The following GSK3B variants were observed in gnomAD, a reference collection of about 807,000 sequenced individuals.
GSK3B encodes glycogen synthase kinase-3 beta.
A neutral mutation model predicts 56.4 loss-of-function variants in GSK3B; 15 were observed. The observed-to-expected ratio is 0.27, with a 90% CI of 0.18 to 0.41. The LOEUF (loss-of-function observed/expected upper bound fraction) is 0.41, where lower values mean the gene tolerates loss of function less well. Ranked by LOEUF, GSK3B falls within the 10% of genes least tolerant of loss-of-function variation. The probability of loss-of-function intolerance (pLI) is 1.00; values close to 1 mark genes in which losing one functional copy is unlikely to be tolerated. For synonymous variants in GSK3B, 181 were observed against 188.9 expected, an observed-to-expected ratio of 0.96 and a Z score of 0.34; for missense variants, 300 against 513.4, an observed-to-expected ratio of 0.58 and a Z score of 4.02.
Position 120,093,574 on chromosome 3 carries a change from C to T in GSK3B, c.-140G>A. On this transcript the variant is annotated 5_prime_UTR_variant, in exon 1 of 11. Coordinates refer to ENST00000264235, the MANE Select transcript of GSK3B (RefSeq NM_001146156.2). ...AAAGAAAAAGACTTCGTCCTCTTGGCTTTTCACTCCTTTTGTATACTATAA... is the reference window on the plus strand; with the variant it reads ...AAAGAAAAAGACTTCGTCCTCTTGGTTTTTCACTCCTTTTGTATACTATAA... 3 of 600,450 alleles carry T rather than the reference C, an allele frequency of 5.0e-6. No homozygotes were observed. The South Asian group carries it at 6.1e-5, about 12-fold the overall frequency. The allele number at this position is 600,450 out of a possible 1,614,324, so 37.2% of individuals were successfully genotyped here.
intron 2 of GSK3B, among the ~76,000 whole-genome samples, chr3:119,960,807 T>C (rs2057264360): frequency 6.6e-6 from 1 of 152,194 alleles, no homozygotes; most frequent in African/African-American, 2.4e-5. Flanking sequence ...GCATATTTAT[T>C]CATTATTGTC....
intron 1 of GSK3B, among the ~76,000 whole-genome samples, chr3:120,051,119 A>G (rs1489303670): frequency 1.6e-5 from 2 of 127,424 alleles, no homozygotes; most frequent in Admixed American, 7.4e-5. Context: ...GATGCTGTCT[A>G]TCAATTTCTT....
At chr3:120,028,879 C>CA in intron 1 of GSK3B, 1 of 485,184 alleles carries the variant, frequency 2.1e-6, no homozygotes, top group Non-Finnish European at 3.9e-6. Context: ...GGCTTCTTCG[C>CA]AAAAATGTGG....
intron 3 of GSK3B, among the ~76,000 whole-genome samples, chr3:119,935,809 AACT>A (rs1403146983): frequency 5.3e-5 from 8 of 152,304 alleles, no homozygotes; most frequent in African/African-American, 1.9e-4. Flanking sequence ...AACAAAATAA[AACT>A]ACTGATCGAT....
intron 1 of GSK3B, among the ~76,000 whole-genome samples, chr3:120,040,772 T>G (rs1345624878): frequency 6.6e-6 from 1 of 151,706 alleles, no homozygotes; most frequent in South Asian, 2.1e-4. Flanking sequence ...CTAAAGACCA[T>G]CACATGGGAT....
At chr3:119,908,949 T>G (rs1011003250) in intron 6 of GSK3B, among the ~76,000 whole-genome samples, 2 of 152,238 alleles carry the variant, frequency 1.3e-5, no homozygotes, top group African/African-American at 4.8e-5. Flanking sequence ...GGTGTTTGCT[T>G]GTATCAGAGA....
At chr3:119,885,150 G>A (rs1166586794) in intron 7 of GSK3B, among the ~76,000 whole-genome samples, 2 of 151,750 alleles carry the variant, frequency 1.3e-5, no homozygotes, top group African/African-American at 4.8e-5. Context: ...AGTAGTTTCA[G>A]GATAAAAAAT....
intron 3 of GSK3B, 97 bp downstream of exon 3, chr3:119,947,171 C>A (rs1304541923): frequency 5.3e-6 from 4 of 757,354 alleles, no homozygotes; most frequent in African/African-American, 5.2e-5. Flanking sequence ...TTTTTCCATT[C>A]CATTAGCAAA....
At chr3:119,932,652 G>GA (rs1265090232) in intron 3 of GSK3B, among the ~76,000 whole-genome samples, 5 of 147,932 alleles carry the variant, frequency 3.4e-5, no homozygotes, top group South Asian at 2.1e-4. Flanking sequence ...ACTACCTTAA[G>GA]AAAAAAAACT....
intron 1 of GSK3B, among the ~76,000 whole-genome samples, chr3:120,045,773 T>C (rs1333416093): frequency 6.6e-6 from 1 of 152,146 alleles, no homozygotes; most frequent in Non-Finnish European, 1.5e-5. Context: ...CACAAAAAAG[T>C]GAACACAAAT....
chr3:119,944,602 C>T (rs1268832214), intron 3 of GSK3B, among the ~76,000 whole-genome samples: 2 of 152,070 alleles, frequency 1.3e-5, no homozygotes, highest in Non-Finnish European at 1.5e-5. Flanking sequence ...CACTCCATGT[C>T]TCCTCCCCAC....
chr3:120,022,954 G>C (rs887948168), intron 1 of GSK3B, among the ~76,000 whole-genome samples: 1 of 152,152 alleles, frequency 6.6e-6, no homozygotes, highest in Non-Finnish European at 1.5e-5. Context: ...CTCATTATTC[G>C]CAGTGTCAAA....
intron 2 of GSK3B, among the ~76,000 whole-genome samples, chr3:119,971,302 A>G (rs906253469): frequency 4.6e-5 from 7 of 152,196 alleles, no homozygotes; most frequent in African/African-American, 1.7e-4. Flanking sequence ...ACATCACAAA[A>G]CTAGAATTTT....
chr3:120,001,234 A>AT (rs1462282524), intron 2 of GSK3B, among the ~76,000 whole-genome samples: 9 of 152,006 alleles, frequency 5.9e-5, no homozygotes, highest in African/African-American at 2.2e-4. Context: ...AGATCTGGTT[A>AT]TTTAAGAGAG....
intron 2 of GSK3B, among the ~76,000 whole-genome samples, chr3:119,947,669 T>C (rs2057113378): frequency 6.6e-6 from 1 of 152,074 alleles, no homozygotes; most frequent in Non-Finnish European, 1.5e-5. Flanking sequence ...AAAAATTTCA[T>C]CTTTCTAGCA....
intron 1 of GSK3B, among the ~76,000 whole-genome samples, chr3:120,086,772 G>T (rs2058466830): frequency 6.6e-6 from 1 of 151,452 alleles, no homozygotes; most frequent in Non-Finnish European, 1.5e-5. Flanking sequence ...TCCAGGCTAG[G>T]CATAGGCAAC....
At chr3:119,891,638 G>T (rs993306056) in intron 7 of GSK3B, among the ~76,000 whole-genome samples, 1 of 152,008 alleles carries the variant, frequency 6.6e-6, no homozygotes, top group Admixed American at 6.6e-5. Context: ...TTAGACTAAA[G>T]ACATATATTT....
At chr3:120,046,810 C>A (rs1038401177) in intron 1 of GSK3B, among the ~76,000 whole-genome samples, 2 of 152,104 alleles carry the variant, frequency 1.3e-5, no homozygotes, top group Non-Finnish European at 2.9e-5. Context: ...AGGGTTTCAC[C>A]TTGTTGGCCA....
intron 1 of GSK3B, among the ~76,000 whole-genome samples, chr3:120,077,689 G>A (rs1254565220): frequency 6.6e-6 from 1 of 151,974 alleles, no homozygotes; most frequent in African/African-American, 2.4e-5. Flanking sequence ...GTGAGATGGA[G>A]ATGTTAATTT....
Sources: gnomAD v4.1 joint callset for allele counts (sites outside exome capture counted in the v4.1 genomes callset) on GRCh38, gnomAD v4.1.1 for gene constraint, MANE v1.5 for transcripts, NCBI Gene and HGNC (gene_info 2026-07-23, HGNC 2026-07-21) for gene names.